Variants in PTGR1 observed in about 807,000 individuals in gnomAD.
The protein encoded by PTGR1 is 15-oxoprostaglandin 13-reductase.
Under a neutral mutation model 37.7 loss-of-function variants are expected in PTGR1, and 23 were observed. That is an observed-to-expected ratio of 0.61 (90% confidence interval 0.44 to 0.86). The LOEUF (loss-of-function observed/expected upper bound fraction) is 0.86. Among genes scored for constraint, PTGR1 ranks in the 40% least tolerant of loss-of-function variants. The pLI, the probability that PTGR1 is intolerant of heterozygous loss-of-function variation, is 0.00. For missense variants in PTGR1, 351 were observed against 394.3 expected, an observed-to-expected ratio of 0.89 and a Z score of 0.93; for synonymous variants, 134 against 140.0, an observed-to-expected ratio of 0.96 and a Z score of 0.30.
intron 2 of PTGR1, among the ~76,000 whole-genome samples, chr9:111,595,749 T>A (rs1829761507): frequency 6.6e-6 from 1 of 152,154 alleles, no homozygotes; most frequent in Admixed American, 6.5e-5. Context: ...TTCTCCTGCC[T>A]CAGCCTCCCA....
chr9:111,592,683 T>C, intron 4 of PTGR1: 1 of 455,174 alleles, frequency 2.2e-6, no homozygotes, highest in Non-Finnish European at 3.7e-6. Flanking sequence ...AAATACTTTT[T>C]TTTTTTTAGT....
intron 3 of PTGR1, 87 bp from the exon 4 acceptor site, chr9:111,593,069 GTT>G: frequency 6.8e-7 from 1 of 1,470,130 alleles, no homozygotes; most frequent in East Asian, 2.6e-5. Context: ...TCGGGGGACT[GTT>G]TTGAGTTTCA....
At chr9:111,564,167 T>C in intron 9 of PTGR1, 2 of 957,664 alleles carry the variant, frequency 2.1e-6, no homozygotes, top group Non-Finnish European at 2.6e-6. Context: ...CTGATACAAG[T>C]TTTTCGCTAA....
intron 4 of PTGR1, among the ~76,000 whole-genome samples, chr9:111,586,805 A>C (rs3031178): frequency 0.51 from 63,655 of 125,690 alleles, 14,544 homozygotes; most frequent in Middle Eastern, 0.56. Flanking sequence ...CTCTCTCTCT[A>C]TATATATATA....
intron 4 of PTGR1, chr9:111,592,237 G>A (rs1829644034): frequency 6.6e-6 from 1 of 152,172 alleles, no homozygotes; most frequent in African/African-American, 2.4e-5. Flanking sequence ...AGCTTTTGCT[G>A]CAACTGTTAC....
At chr9:111,577,870 A>T (rs1829127502) in intron 7 of PTGR1, 1 of 152,088 alleles carries the variant, frequency 6.6e-6, no homozygotes, top group East Asian at 1.9e-4. Flanking sequence ...GGAATAAAGC[A>T]CTGATAAATT....
At chr9:111,566,107 G>A (rs181393444) in intron 9 of PTGR1, among the ~76,000 whole-genome samples, 1 of 152,230 alleles carries the variant, frequency 6.6e-6, no homozygotes, top group Non-Finnish European at 1.5e-5. Context: ...GGAGGCTGAA[G>A]TGGGAGAATC....
intron 3 of PTGR1, 28 bp from the exon 4 acceptor site, chr9:111,593,010 A>G: frequency 2.0e-6 from 3 of 1,473,990 alleles, no homozygotes; most frequent in East Asian, 2.3e-5. Context: ...AAAAAAAAAA[A>G]AAAAAAATAG....
At chr9:111,567,110 G>A (rs1026240804) in intron 9 of PTGR1, among the ~76,000 whole-genome samples, 1 of 151,754 alleles carries the variant, frequency 6.6e-6, no homozygotes, top group Non-Finnish European at 1.5e-5. Flanking sequence ...AAGTCGGGGG[G>A]CGTGGGATAT....
chr9:111,591,987 TC>T (rs1327875567), intron 4 of PTGR1, among the ~76,000 whole-genome samples: 4 of 152,076 alleles, frequency 2.6e-5, no homozygotes, highest in African/African-American at 9.7e-5. Context: ...TCACCAAGAT[TC>T]CTATGCCAGA....
At chr9:111,552,062 A>G (rs961913652) in intron 9 of PTGR1, among the ~76,000 whole-genome samples, 2 of 152,140 alleles carry the variant, frequency 1.3e-5, no homozygotes, top group African/African-American at 2.4e-5. Context: ...AGTTTTTCCC[A>G]TTTTAGGAGC....
At chr9:111,599,012 T>C (rs1829862823) in intron 1 of PTGR1, among the ~76,000 whole-genome samples, 1 of 152,058 alleles carries the variant, frequency 6.6e-6, no homozygotes, top group Admixed American at 6.6e-5. Flanking sequence ...TGAGTTCAAC[T>C]TCTTTAGAGT....
intron 6 of PTGR1, 87 bp from the exon 7 acceptor site, chr9:111,579,038 T>A: frequency 3.1e-6 from 4 of 1,294,050 alleles, no homozygotes; most frequent in Non-Finnish European, 4.2e-6. Flanking sequence ...ATGCCTAGGT[T>A]CCCTAGGAAC....
Position 111,570,703 on chromosome 9 carries a change from C to T in PTGR1, c.761-494G>A, listed in dbSNP as rs554735147. ...CTGAGGCAGGAGAATTGCTTGAACC[C>T]GACAGGTGGAGGTTGCAGTGAGCCA... On this transcript the variant is annotated intron_variant, in intron 8 of 9. Transcript: ENST00000407693. Among the ~76,000 whole-genome samples the T allele has an allele frequency of 2.3e-3, 354 of 151,998 alleles. 5 individuals are homozygous for T. The highest frequency in any genetic ancestry group is 8.2e-3 in the African/African-American group (341 of 41,440).
At chr9:111,596,545 G>A (rs1168521031) in intron 2 of PTGR1, among the ~76,000 whole-genome samples, 3 of 151,280 alleles carry the variant, frequency 2.0e-5, no homozygotes, top group African/African-American at 7.3e-5. Context: ...GAAGTCAGGA[G>A]TTCGAGACCA....
chr9:111,574,708 T>G, intron 8 of PTGR1, 26 bp downstream of exon 8: 1 of 1,536,738 alleles, frequency 6.5e-7, no homozygotes, highest in Non-Finnish European at 9.0e-7. Context: ...TTGTGACATA[T>G]GGGATCGTGT....
intron 4 of PTGR1, among the ~76,000 whole-genome samples, chr9:111,589,550 G>C (rs7040932): frequency 0.6 from 91,264 of 151,532 alleles, 27,545 homozygotes; most frequent in East Asian, 0.65. Context: ...AGCCACTGAA[G>C]CTGCCCCCAC....
rs771391006 is a variant in PTGR1, at chr9:111,592,978, C to A, written c.157G>T (p.Ala53Ser). 6.9e-6 allele frequency: 8 copies of A among 1,158,986 alleles called. No individual in the cohort carries two copies. In the South Asian group the frequency reaches 1.0e-4, roughly 14 times the overall value. 71.8% of individuals were successfully genotyped at this position (1,158,986 alleles called of 1,614,324 possible). A position where few individuals can be genotyped will look rare whatever the true frequency, so the allele number is the denominator to read the frequency against. ...TCACCTTCCTTCAATCTTTTGGCTG[C>A]CACTCTGCAAAAAAAAAAAAAAAAA... ...FLTVDPYMRVAAKRLKEGDTM... is the reference protein window; with the variant it reads ...FLTVDPYMRVSAKRLKEGDTM... Residue 53 changes from alanine to serine, a missense_variant, in exon 4 of 10, where the codon GCA (alanine) becomes TCA (serine). Coordinates refer to ENST00000407693, the MANE Select transcript of PTGR1 (RefSeq NM_001146108.2).
At chr9:111,558,956 C>A (rs1181588773), downstream of PTGR1, among the ~76,000 whole-genome samples, 1 of 152,148 alleles carries the variant, frequency 6.6e-6, no homozygotes, top group African/African-American at 2.4e-5. Flanking sequence ...CCACTACCCC[C>A]TCTCCTGCAG....
Sources: allele counts gnomAD v4.1 joint callset (sites outside exome capture counted in the v4.1 genomes callset), GRCh38; gene constraint gnomAD v4.1.1; transcripts MANE v1.5; gene names NCBI Gene and HGNC (gene_info 2026-07-23, HGNC 2026-07-21).